SIRT1: variants seen among roughly 807,000 people sequenced by gnomAD.
SIRT1 encodes sirtuin 1, also known as NAD-dependent protein deacetylase sirtuin-1.
Under a neutral mutation model 67.9 loss-of-function variants are expected in SIRT1, and 24 were observed. The observed-to-expected ratio is 0.35, with a 90% CI of 0.26 to 0.50. The LOEUF (loss-of-function observed/expected upper bound fraction) is 0.50. Ranked by LOEUF, SIRT1 falls within the 20% of genes least tolerant of loss-of-function variation. SIRT1 has a pLI of 0.98. For missense variants in SIRT1, 873 were observed against 937.2 expected, an observed-to-expected ratio of 0.93 and a Z score of 0.89; for synonymous variants, 378 against 350.7, an observed-to-expected ratio of 1.08 and a Z score of -0.87.
At chr10:67,896,423 C>T (rs902350219) in intron 4 of SIRT1, among the ~76,000 whole-genome samples, 2 of 152,200 alleles carry the variant, frequency 1.3e-5, no homozygotes, top group African/African-American at 4.8e-5. Context: ...GGATTGTAGG[C>T]ATAGGCCACT....
At position 67,884,768 on chromosome 10, in the gene SIRT1, C is replaced by A; in HGVS notation, c.47C>A (p.Ser16Ter). 8.1e-7 allele frequency: 1 copy of A among 1,227,382 alleles called. No homozygotes were observed. The highest frequency in any genetic ancestry group is 1.0e-6 in the Non-Finnish European group (1 of 985,120). The allele number at this position is 1,227,382 out of a possible 1,614,324, so 76.0% of individuals were successfully genotyped here. ...ALALQPGGSPSAAGADREAAS... is the reference protein window; with the variant it reads ...ALALQPGGSP The stretch of plus-strand genomic sequence containing the variant: ...GCCCTTCAGCCCGGCGGCTCCCCCT[C>A]GGCGGCGGGGGCCGACAGGGAGGCC... The change falls in exon 1 of 9, where the codon TCG becomes TAG. Residue 16 changes from serine (S) to a stop codon, truncating the protein, a stop_gained. Transcript: ENST00000212015. LOFTEE classifies it high-confidence loss of function.
At chr10:67,903,997 C>T (rs558319657) in intron 4 of SIRT1, among the ~76,000 whole-genome samples, 1 of 152,144 alleles carries the variant, frequency 6.6e-6, no homozygotes, top group South Asian at 2.1e-4. Context: ...AATCCATATT[C>T]TATCTGTAAG....
chr10:67,887,517 T>C lies in SIRT1; in HGVS notation c.531T>C (p.Thr177=). The change falls in exon 2 of 9, where the codon ACT becomes ACC. Residue 177 remains threonine, a synonymous_variant. Transcript: ENST00000212015. The part of the protein sequence containing the change: ...RASHASSSDW[T]PRPRIGPYTF... ...CACATGCAAGCTCTAGTGACTGGAC[T>C]CCAAGGCCACGGATAGGTATGGCTC... 6.2e-7 allele frequency: 1 copy of C among 1,609,736 alleles called. No individual in the cohort carries two copies. The highest frequency in any genetic ancestry group is 1.3e-5 in the African/African-American group (1 of 74,970).
intron 4 of SIRT1, among the ~76,000 whole-genome samples, chr10:67,895,552 A>G (rs931929468): frequency 1.2e-4 from 19 of 152,108 alleles, no homozygotes; most frequent in African/African-American, 4.1e-4. Flanking sequence ...CAGAAAGTTC[A>G]CTAAAGTGGT....
chr10:67,906,188 G>C, intron 4 of SIRT1: 1 of 1,427,954 alleles, frequency 7.0e-7, no homozygotes, highest in Non-Finnish European at 9.2e-7. Flanking sequence ...AGCATTATTT[G>C]GGGGGAAAAA....
At chr10:67,886,555 CAAAA>C (rs34780303) in intron 1 of SIRT1, among the ~76,000 whole-genome samples, 7 of 97,898 alleles carry the variant, frequency 7.2e-5, no homozygotes, top group South Asian at 7.1e-4. Context: ...GACCCCGTCT[CAAAA>C]AAAAAAAAAA....
chr10:67,916,811 AAAG>A lies in SIRT1; in HGVS notation c.*219_*221del, dbSNP rs1054057440. 4.1e-5 allele frequency: 13 copies of A among 315,654 alleles called. No homozygotes were observed. The highest frequency in any genetic ancestry group is 6.5e-5 in the Non-Finnish European group (11 of 168,420). 19.6% of individuals were successfully genotyped at this position (315,654 alleles called of 1,614,324 possible). Reference sequence around the variant, plus strand: ...CTAACTTTTTTTTTTTTAAAAAAAAAAAGGTACTAAGTATCTTCAATCAGCTGT... The same window carrying A: ...CTAACTTTTTTTTTTTTAAAAAAAAAGTACTAAGTATCTTCAATCAGCTGT... On this transcript the variant is annotated 3_prime_UTR_variant, in exon 9 of 9. Transcript: ENST00000212015.
Position 67,909,476 on chromosome 10 carries a change from A to G in SIRT1, c.1357+34A>G, listed in dbSNP as rs755614579. On this transcript the variant is annotated intron_variant, in intron 7 of 8. Coordinates refer to ENST00000212015, the MANE Select transcript of SIRT1 (RefSeq NM_012238.5). ...GTGATGGTTTTTGGAGAACATTTCTATATATAATGTCATGGGTTGTGGGTC... is the reference window on the plus strand; with the variant it reads ...GTGATGGTTTTTGGAGAACATTTCTGTATATAATGTCATGGGTTGTGGGTC... 17 of 1,558,172 alleles carry G rather than the reference A, an allele frequency of 1.1e-5. No homozygotes were observed. The Admixed American group carries it at 1.3e-4, about 12-fold the overall frequency.
chr10:67,891,813 C>T (rs1842578845), intron 4 of SIRT1, among the ~76,000 whole-genome samples: 1 of 152,158 alleles, frequency 6.6e-6, no homozygotes, highest in African/African-American at 2.4e-5. Context: ...GGTCGTTATT[C>T]TGCCTGGGCT....
chr10:67,910,690 TA>T (rs1842885407), intron 7 of SIRT1, among the ~76,000 whole-genome samples: 1 of 152,192 alleles, frequency 6.6e-6, no homozygotes, highest in Non-Finnish European at 1.5e-5. Flanking sequence ...AGCCATGCCA[TA>T]ACGGTGATAT....
chr10:67,903,925 C>G (rs34096679), intron 4 of SIRT1, among the ~76,000 whole-genome samples: 1,629 of 148,966 alleles, frequency 0.011, 38 homozygotes, highest in African/African-American at 0.041. Context: ...GATATTCAAA[C>G]TGGGTGGCCT....
rs376802903 is a variant in SIRT1 at position 67,892,547 on chromosome 10, G to A, written c.942+993G>A. ...TGATCTGCCATTGCACTCCACCCTGGGCAACAGAGCAAGAGTGTTTCCAAA... is the reference window on the plus strand; with the variant it reads ...TGATCTGCCATTGCACTCCACCCTGAGCAACAGAGCAAGAGTGTTTCCAAA... On this transcript the variant is annotated intron_variant, in intron 4 of 8. Transcript: ENST00000212015. Among the ~76,000 whole-genome samples, 10 of 152,108 alleles carry A rather than the reference G, an allele frequency of 6.6e-5. No individual in the cohort carries two copies. In the East Asian group the frequency reaches 1.7e-3, roughly 26 times the overall value.
In SIRT1 at chr10:67,887,418, T is replaced by A; in HGVS notation, c.432T>A (p.Asp144Glu). 6.2e-7 allele frequency: 1 copy of A among 1,608,724 alleles called. No individual in the cohort carries two copies. Among genetic ancestry groups the A allele is most frequent in the Non-Finnish European group, 8.5e-7 (1 of 1,175,402 alleles). ...TGACTGACTTGGTTTCTTTTGCAGA[T>A]AACCTTCTGTTCGGTGATGAAATTA... Reference protein sequence around the residue: ...EAAAAAIGYRDNLLFGDEIIT... With the variant: ...EAAAAAIGYRENLLFGDEIIT... Residue 144 changes from aspartate (D) to glutamate (E), a missense_variant and splice_region_variant, in exon 2 of 9, where the codon GAT (aspartate) becomes GAA (glutamate). Asp to Glu is a conservative substitution (Grantham distance 45). Coordinates refer to ENST00000212015, the MANE Select transcript of SIRT1 (RefSeq NM_012238.5).
intron 4 of SIRT1, among the ~76,000 whole-genome samples, chr10:67,893,850 G>T (rs12252486): frequency 0.54 from 81,710 of 152,142 alleles, 23,577 homozygotes; most frequent in Non-Finnish European, 0.66. Context: ...GCGCCCTGCC[G>T]ATGAACCTAA....
At chr10:67,891,354 A>G (rs374013132) in intron 3 of SIRT1, 48 bp from the exon 4 acceptor site, 18 of 1,572,128 alleles carry the variant, frequency 1.1e-5, no homozygotes, top group African/African-American at 2.7e-5. Context: ...GCTAGTTCCT[A>G]TAAAGGTAGA....
At chr10:67,911,825 C>G (rs1337666996) in intron 7 of SIRT1, among the ~76,000 whole-genome samples, 4 of 142,708 alleles carry the variant, frequency 2.8e-5, no homozygotes, top group Admixed American at 7.4e-5. Flanking sequence ...ATTGCCCAGG[C>G]TGGAGTGCAA....
Position 67,916,376 on chromosome 10 carries a change from A to T in SIRT1, c.2027A>T (p.Asp676Val), listed in dbSNP as rs1312104590. The T allele has an allele frequency of 1.9e-6, 3 of 1,614,092 alleles. No homozygotes were observed. The change falls in exon 9 of 9, where the codon GAT (aspartate) becomes GTT (valine). Residue 676 changes from aspartate to valine, a missense_variant. Physicochemically the swap from Asp to Val is radical, Grantham distance 152. Around this residue, in one of 3 missense-constraint regions of SIRT1, gnomAD observed 295 missense variants for 294.5 expected, o/e 1.00. Transcript: ENST00000212015. ...TCTAGTTCTTGTGGCAGTAACAGTG[A>T]TAGTGGGACATGCCAGAGTCCAAGT... ...LSSSSCGSNS[D>V]SGTCQSPSLE...
Position 67,884,882 on chromosome 10 carries a change from C to G in SIRT1, c.161C>G (p.Ala54Gly). Residue 54 changes from alanine to glycine, a missense_variant, in exon 1 of 9, where the codon GCG becomes GGG. Ala to Gly is a moderately conservative substitution (Grantham distance 60). Around this residue, in one of 3 missense-constraint regions of SIRT1, gnomAD observed 327 missense variants for 283.9 expected, o/e 1.15. Coordinates refer to ENST00000212015, the MANE Select transcript of SIRT1 (RefSeq NM_012238.5). ...CGGAGCCCGGGCGAGCCCGGTGGGG[C>G]GGCCCCAGAGCGTGAGGTGCCGGCG... Reference protein sequence around the residue: ...LERSPGEPGGAAPEREVPAAA... With the variant: ...LERSPGEPGGGAPEREVPAAA... 1.6e-6 allele frequency: 2 copies of G among 1,213,212 alleles called. No individual in the cohort carries two copies. Among genetic ancestry groups the G allele is most frequent in the Non-Finnish European group, 2.0e-6 (2 of 976,060 alleles). The allele number at this position is 1,213,212 out of a possible 1,614,324, so 75.2% of individuals were successfully genotyped here. A position where few individuals can be genotyped will look rare whatever the true frequency, so the allele number is the denominator to read the frequency against.
chr10:67,907,504 A>AAAAG (rs1554891335), intron 5 of SIRT1, among the ~76,000 whole-genome samples: 10 of 148,402 alleles, frequency 6.7e-5, no homozygotes, highest in African/African-American at 2.4e-4. Flanking sequence ...AAAAAAAAAA[A>AAAAG]AAAAGAAAAA....
Sources: gnomAD v4.1 joint callset for allele counts (sites outside exome capture counted in the v4.1 genomes callset) on GRCh38, gnomAD v4.1.1 for gene constraint, gnomAD v4.1.1 regional missense constraint, MANE v1.5 for transcripts, NCBI Gene and HGNC (gene_info 2026-07-23, HGNC 2026-07-21) for gene names.